Variants in ZNF804B observed in about 807,000 individuals in gnomAD.
ZNF804B encodes the protein zinc finger 804B.
ZNF804B carries 80 observed loss-of-function variants against 101.4 expected under a neutral mutation model. The ratio of observed to expected loss-of-function variants is 0.79; its 90% CI spans 0.66 to 0.95. ZNF804B has a LOEUF of 0.95. Among genes scored for constraint, ZNF804B ranks in the 40% least tolerant of loss-of-function variants. The pLI, the probability that ZNF804B is intolerant of heterozygous loss-of-function variation, is 0.00. For missense variants in ZNF804B, 1,673 were observed against 1,561.9 expected, an observed-to-expected ratio of 1.07 and a Z score of -1.20; for synonymous variants, 622 against 558.8, an observed-to-expected ratio of 1.11 and a Z score of -1.59.
At chr7:89,323,256 C>A (rs933477125) in intron 2 of ZNF804B, among the ~76,000 whole-genome samples, 1 of 152,188 alleles carries the variant, frequency 6.6e-6, no homozygotes, top group Admixed American at 6.5e-5. Flanking sequence ...AGCTAAGCCA[C>A]CCAGTCTGTG....
chr7:89,182,330 G>A (rs1584037320), intron 1 of ZNF804B, among the ~76,000 whole-genome samples: 1 of 152,064 alleles, frequency 6.6e-6, no homozygotes, highest in South Asian at 2.1e-4. Flanking sequence ...TGCTAATACA[G>A]CATATTTTCC....
chr7:89,327,793 T>G (rs1342053820), intron 3 of ZNF804B, among the ~76,000 whole-genome samples: 1 of 151,478 alleles, frequency 6.6e-6, no homozygotes, highest in African/African-American at 2.4e-5. Flanking sequence ...ATAATAATTT[T>G]AAAAACCATA....
chr7:88,830,096 A>G (rs1335547907), intron 1 of ZNF804B, among the ~76,000 whole-genome samples: 1 of 152,120 alleles, frequency 6.6e-6, no homozygotes, highest in Admixed American at 6.6e-5. Flanking sequence ...TGCTCAAATG[A>G]GAATAAGAGG....
chr7:89,312,450 G>A lies in ZNF804B; in HGVS notation c.250-14894G>A, dbSNP rs925889312. Among the ~76,000 whole-genome samples the A allele has an allele frequency of 5.3e-5, 8 of 152,170 alleles. No homozygotes were observed. In the East Asian group the frequency reaches 1.5e-3, roughly 29 times the overall value. On this transcript the variant is annotated intron_variant, in intron 2 of 3. Transcript: ENST00000333190. The stretch of plus-strand genomic sequence containing the variant: ...AACCAATTTAACTCAACACTTCCAA[G>A]GAAGAGGATTAAGATGTGCACACCA...
At chr7:89,149,186 A>G (rs912384929) in intron 1 of ZNF804B, among the ~76,000 whole-genome samples, 25 of 152,104 alleles carry the variant, frequency 1.6e-4, no homozygotes, top group African/African-American at 6.0e-4. Context: ...TGTAGTGTCT[A>G]TTCACTGAAT....
chr7:89,208,722 C>A (rs1050122869), intron 1 of ZNF804B, among the ~76,000 whole-genome samples: 1 of 152,026 alleles, frequency 6.6e-6, no homozygotes, highest in Non-Finnish European at 1.5e-5. Flanking sequence ...AAAAAATAAT[C>A]CCTGTTTAGA....
chr7:88,892,837 A>C (rs528219924), intron 1 of ZNF804B, among the ~76,000 whole-genome samples: 1 of 152,266 alleles, frequency 6.6e-6, no homozygotes, highest in South Asian at 2.1e-4. Context: ...TCAGATTTGA[A>C]ATTTCAGATT....
intron 1 of ZNF804B, among the ~76,000 whole-genome samples, chr7:89,206,971 A>G (rs1158280076): frequency 1.3e-5 from 2 of 152,134 alleles, no homozygotes; most frequent in South Asian, 2.1e-4. Flanking sequence ...CCAGTTCCCA[A>G]TGAGTTCCTC....
chr7:89,064,147 C>A (rs1433741029), intron 1 of ZNF804B, among the ~76,000 whole-genome samples: 1 of 152,134 alleles, frequency 6.6e-6, no homozygotes, highest in East Asian at 1.9e-4. Flanking sequence ...CCGTGGAGCT[C>A]TGGACGTTTA....
At chr7:88,937,214 T>G (rs1033199987) in intron 1 of ZNF804B, among the ~76,000 whole-genome samples, 5 of 142,138 alleles carry the variant, frequency 3.5e-5, no homozygotes, top group African/African-American at 1.3e-4. Flanking sequence ...AAAAAGAAAA[T>G]GACAGGGGAA....
At chr7:88,883,911 T>C (rs188200299) in intron 1 of ZNF804B, among the ~76,000 whole-genome samples, 2 of 152,180 alleles carry the variant, frequency 1.3e-5, no homozygotes, top group East Asian at 3.9e-4. Context: ...TATATATTTA[T>C]TTTAGAAGAC....
At chr7:89,012,584 T>C (rs1374040670) in intron 1 of ZNF804B, among the ~76,000 whole-genome samples, 1 of 152,318 alleles carries the variant, frequency 6.6e-6, no homozygotes, top group Middle Eastern at 3.4e-3. Flanking sequence ...TTTGCTCCAC[T>C]TCCCAAGAAG....
Position 89,145,201 on chromosome 7 carries a change from A to G in ZNF804B, c.109-72954A>G, listed in dbSNP as rs562924404. Among the ~76,000 whole-genome samples the G allele has an allele frequency of 8.5e-5, 13 of 152,158 alleles. No individual in the cohort carries two copies. The South Asian group carries it at 2.7e-3, about 32-fold the overall frequency. On this transcript the variant is annotated intron_variant, in intron 1 of 3. Transcript: ENST00000333190. The stretch of plus-strand genomic sequence containing the variant: ...TAAAATGACAATATAATTTTAATAA[A>G]TCAAATTACACTTAATTATATATTT...
Position 89,335,941 on chromosome 7 carries a change from A to G in ZNF804B, c.2959A>G (p.Ser987Gly). Reference protein sequence around the residue: ...LPLSEKIQYASESRNDQDSAI... With the variant: ...LPLSEKIQYAGESRNDQDSAI... ...TTTGTCTGAAAAAATACAGTATGCA[A>G]GTGAGAGCAGAAATGATCAAGACAG... The change falls in exon 4 of 4, where the codon AGT (serine) becomes GGT (glycine). Residue 987 changes from serine (S) to glycine (G), a missense_variant. Transcript: ENST00000333190. 1 of 1,614,102 alleles carries G rather than the reference A, an allele frequency of 6.2e-7. No individual in the cohort carries two copies. Among genetic ancestry groups the G allele is most frequent in the Non-Finnish European group, 8.5e-7 (1 of 1,179,994 alleles).
intron 1 of ZNF804B, among the ~76,000 whole-genome samples, chr7:89,031,171 A>G (rs1245392330): frequency 6.8e-6 from 1 of 147,462 alleles, no homozygotes; most frequent in Non-Finnish European, 1.5e-5. Context: ...AAGTATAATA[A>G]TAAAAATATA....
intron 1 of ZNF804B, among the ~76,000 whole-genome samples, chr7:89,141,059 C>T (rs1350247332): frequency 2.6e-5 from 4 of 151,740 alleles, no homozygotes; most frequent in African/African-American, 9.7e-5. Flanking sequence ...AATAGGAGGG[C>T]CAAAGGAGAG....
intron 1 of ZNF804B, among the ~76,000 whole-genome samples, chr7:89,162,190 C>A (rs919768328): frequency 1.3e-5 from 2 of 152,100 alleles, no homozygotes; most frequent in African/African-American, 4.8e-5. Context: ...CATTTTTTAA[C>A]AAGTATAGAT....
At chr7:88,854,439 C>CTTTCTTTCTTTCTTTCTTTT (rs1562812673) in intron 1 of ZNF804B, among the ~76,000 whole-genome samples, 1 of 125,604 alleles carries the variant, frequency 8.0e-6, no homozygotes, top group Admixed American at 8.5e-5. Context: ...TTCTTTCTTT[C>CTTTCTTTCTTTCTTTCTTTT]TTTCTTTCTT....
intron 1 of ZNF804B, among the ~76,000 whole-genome samples, chr7:88,883,494 A>G (rs2115912181): frequency 6.6e-6 from 1 of 152,196 alleles, no homozygotes; most frequent in East Asian, 1.9e-4. Flanking sequence ...ACCTTACTCA[A>G]CACACTTGTC....
Sources: gnomAD v4.1 joint callset for allele counts (sites outside exome capture counted in the v4.1 genomes callset) on GRCh38, gnomAD v4.1.1 for gene constraint, MANE v1.5 for transcripts, NCBI Gene and HGNC (gene_info 2026-07-23, HGNC 2026-07-21) for gene names.